KBTBD4: variants seen among roughly 807,000 people sequenced by gnomAD.
The protein encoded by KBTBD4 is kelch repeat and BTB domain containing 4, also known as kelch repeat and BTB domain-containing protein 4.
Under a neutral mutation model 43.9 loss-of-function variants are expected in KBTBD4, and 30 were observed. That is an observed-to-expected ratio of 0.68 (90% CI 0.51 to 0.93). The LOEUF (loss-of-function observed/expected upper bound fraction) is 0.93. Among genes scored for constraint, KBTBD4 ranks in the 40% least tolerant of loss-of-function variants. The pLI is 0.00. For synonymous variants in KBTBD4, 258 were observed against 256.9 expected (o/e 1.00, Z -0.04); for missense variants, 575 against 668.8 (o/e 0.86, Z 1.55).
rs2097261785 is a variant in KBTBD4, at chr11:47,577,418, G to T, written c.630C>A (p.Ile210=). 1.2e-6 allele frequency: 2 copies of T among 1,602,128 alleles called. No homozygotes were observed. Among genetic ancestry groups the T allele is most frequent in the Admixed American group, 1.7e-5 (1 of 59,658 alleles). Residue 210 remains isoleucine, a synonymous_variant, in exon 2 of 4, where the codon ATC becomes ATA. Transcript: ENST00000430070. ...TCCCCTCCCTAAACTTACCCGAGAT[G>T]ATATCTGTGAGTAAGCGGTGGGGCA... is the stretch of plus-strand genomic sequence containing the variant. ...LHLPHRLLTD[I]ISDGVPCSQN...
In KBTBD4 at chr11:47,577,468, G is replaced by A; in HGVS notation, c.580C>T (p.Gln194Ter). ...AAGTGGAGAAATTCCTCTGTATTCTGCAGCTGGGCCAGGTGGGTCTTGGCA... is the reference window on the plus strand; with the variant it reads ...AAGTGGAGAAATTCCTCTGTATTCTACAGCTGGGCCAGGTGGGTCTTGGCA... ...HCAKTHLAQL[Q>*]NTEEFLHLPH... Residue 194 changes from glutamine (Q) to a stop codon, truncating the protein, a stop_gained, in exon 2 of 4, where the codon CAG (glutamine) becomes TAG (stop). Coordinates refer to ENST00000430070, the MANE Select transcript of KBTBD4 (RefSeq NM_018095.6). LOFTEE classifies it high-confidence loss of function. The A allele has an allele frequency of 6.2e-7, 1 of 1,613,290 alleles. No homozygotes were observed. The highest frequency in any genetic ancestry group is 8.5e-7 in the Non-Finnish European group (1 of 1,179,354).
intron 2 of KBTBD4, 23 bp downstream of exon 2, chr11:47,577,388 G>T (rs781220679): frequency 6.3e-7 from 1 of 1,579,514 alleles, no homozygotes; most frequent in Non-Finnish European, 8.6e-7. Flanking sequence ...ACTGGGTATG[G>T]TGTGTCCCCT....
At chr11:47,578,591 G>T (rs1403470753) in intron 1 of KBTBD4, 3 of 709,448 alleles carry the variant, frequency 4.2e-6, no homozygotes, top group Non-Finnish European at 7.7e-6. Context: ...TCGCTCGAAA[G>T]ACTCCCTATG....
At chr11:47,576,435 TGCGCCTG>T in intron 2 of KBTBD4, 1 of 151,406 alleles carries the variant, frequency 6.6e-6, no homozygotes, top group Non-Finnish European at 1.5e-5. Flanking sequence ...CGTGAGCCAC[TGCGCCTG>T]GCCCGTACCT....
rs1210415737 is a variant in KBTBD4 at position 47,577,558 on chromosome 11, G to A, written c.490C>T (p.Leu164Phe). 1.2e-6 allele frequency: 2 copies of A among 1,614,060 alleles called. No individual in the cohort carries two copies. Among genetic ancestry groups the A allele is most frequent in the Non-Finnish European group, 1.7e-6 (2 of 1,180,036 alleles). ...CGATCTGCCAGCCACATCACCTGAA[G>A]GCAGTTTCCCACTTGCACTGTGCGG... ...LARTVQVGNCLQVMWLADRHS... is the reference protein window; with the variant it reads ...LARTVQVGNCFQVMWLADRHS... Residue 164 changes from leucine (L) to phenylalanine (F), a missense_variant, in exon 2 of 4, where the codon CTT (leucine) becomes TTT (phenylalanine). By Grantham distance (22) the Leu-to-Phe change is conservative. Transcript: ENST00000430070.
Position 47,575,852 on chromosome 11 carries a change from A to G in KBTBD4, c.638-153T>C, listed in dbSNP as rs2097258285. Among the ~76,000 whole-genome samples the G allele has an allele frequency of 1.7e-5, 2 of 115,016 alleles. 1 individual carries two copies. The highest frequency in any genetic ancestry group is 6.3e-4 in the South Asian group (2 of 3,184). 75.5% of individuals were successfully genotyped at this position (115,016 alleles called of 152,430 possible). On this transcript the variant is annotated intron_variant, in intron 2 of 3. Transcript: ENST00000430070. ...ATACACATATACATGAAATTAACCT[A>G]AAATTGCTTTTTTTTTTTTTTTGAG...
chr11:47,574,218 C>T (rs1360483967), intron 3 of KBTBD4, among the ~76,000 whole-genome samples: 6 of 152,064 alleles, frequency 3.9e-5, no homozygotes, highest in African/African-American at 9.7e-5. Flanking sequence ...AAGAGATGGC[C>T]GGGCACAGTG....
At chr11:47,578,529 C>T in intron 1 of KBTBD4, 1 of 669,280 alleles carries the variant, frequency 1.5e-6, no homozygotes, top group Non-Finnish European at 2.7e-6. Context: ...CTGGGATATC[C>T]GTGGGTCTTA....
In KBTBD4 at chr11:47,576,756, A is replaced by T. The variant is rs2097260418; in HGVS notation, c.637+655T>A. On this transcript the variant is annotated intron_variant, in intron 2 of 3. Coordinates refer to ENST00000430070, the MANE Select transcript of KBTBD4 (RefSeq NM_018095.6). ...CGGTGGCGTGATCTTGGCTCACTGC[A>T]ACCTCTGCCTCCGGGTTCAAGTGAT... Among the ~76,000 whole-genome samples the T allele has an allele frequency of 2.0e-5, 3 of 149,300 alleles. No homozygotes were observed. In the Admixed American group the frequency reaches 2.0e-4, roughly 10 times the overall value.
Position 47,573,890 on chromosome 11 carries a change from A to T in KBTBD4, c.745-100T>A. 9.1e-7 allele frequency: 1 copy of T among 1,099,468 alleles called. No homozygotes were observed. Among genetic ancestry groups the T allele is most frequent in the Non-Finnish European group, 1.3e-6 (1 of 767,784 alleles). 68.1% of individuals were successfully genotyped at this position (1,099,468 alleles called of 1,614,324 possible). On this transcript the variant is annotated intron_variant, in intron 3 of 3. Transcript: ENST00000430070. This position sits in a 1 kb window ranked among gnomAD's most constrained non-coding sequence, Gnocchi z 4.1. ...GATCCTGGCCCTCACACTTGTTCCTAGCTTTATCATACTACTCTCTAATTA... is the reference window on the plus strand; with the variant it reads ...GATCCTGGCCCTCACACTTGTTCCTTGCTTTATCATACTACTCTCTAATTA...
chr11:47,578,739 G>A, intron 1 of KBTBD4, 194 bp downstream of exon 1: 1 of 1,460,626 alleles, frequency 6.8e-7, no homozygotes, highest in Non-Finnish European at 9.2e-7. Context: ...GCTCAGGCCC[G>A]CCCGCCCTCG....
Position 47,575,700 on chromosome 11 carries a change from C to T in KBTBD4, c.638-1G>A, listed in dbSNP as rs2097257928. ...GGGTTCTGAGAACACGGAACTCCAT[C>T]TGTGAGAGCCAGAGGAAAGGCATGG... is the stretch of plus-strand genomic sequence containing the variant. On this transcript the variant is annotated splice_acceptor_variant, in intron 2 of 3. Coordinates refer to ENST00000430070, the MANE Select transcript of KBTBD4 (RefSeq NM_018095.6). LOFTEE classifies it high-confidence loss of function. The T allele has an allele frequency of 6.3e-7, 1 of 1,581,834 alleles. No homozygotes were observed. Among genetic ancestry groups the T allele is most frequent in the South Asian group, 1.1e-5 (1 of 88,608 alleles).
At position 47,573,835 on chromosome 11, in the gene KBTBD4, C is replaced by T. The variant is rs534523149; in HGVS notation, c.745-45G>A. ...TATATGACAGCTGTTAAATTCTAGGCTAAGGCTCAGCTAAGACACATATCC... is the reference window on the plus strand; with the variant it reads ...TATATGACAGCTGTTAAATTCTAGGTTAAGGCTCAGCTAAGACACATATCC... On this transcript the variant is annotated intron_variant, in intron 3 of 3. Transcript: ENST00000430070. The surrounding 1 kb of genome is among the most constrained non-coding windows in gnomAD (Gnocchi z 4.1). The T allele has an allele frequency of 6.6e-7, 1 of 1,523,802 alleles. No individual in the cohort carries two copies. Among genetic ancestry groups the T allele is most frequent in the South Asian group, 1.2e-5 (1 of 80,640 alleles). 94.4% of individuals were successfully genotyped at this position (1,523,802 alleles called of 1,614,324 possible). A position where few individuals can be genotyped will look rare whatever the true frequency, so the allele number is the denominator to read the frequency against.
chr11:47,575,630 C>A lies in KBTBD4; in HGVS notation c.707G>T (p.Arg236Ile). 6.2e-7 allele frequency: 1 copy of A among 1,613,664 alleles called. No homozygotes were observed. Among genetic ancestry groups the A allele is most frequent in the Non-Finnish European group, 8.5e-7 (1 of 1,179,770 alleles). The change falls in exon 3 of 4, where the codon AGA becomes ATA. Residue 236 changes from arginine (R) to isoleucine (I), a missense_variant. By Grantham distance (97) the Arg-to-Ile change is moderately conservative (BLOSUM62 -3). Transcript: ENST00000430070. ...CCTGAGTGACTCTGCAAAAGCCTCT[C>A]TTTCCTCTTTATTAAAGTTGATCCA... ...EAWINFNKEE[R>I]EAFAESLRTS...
At position 47,572,702 on chromosome 11, in the gene KBTBD4, G is replaced by A. The variant is rs1381406555; in HGVS notation, c.*228C>T. ...GCTGTGGTGAGGCACAGGATGACTA[G>A]GGAATGGCAGAGAACAGGCTGGCCT... On this transcript the variant is annotated 3_prime_UTR_variant, in exon 4 of 4. Transcript: ENST00000430070. 3 of 564,720 alleles carry A rather than the reference G, an allele frequency of 5.3e-6. No individual in the cohort carries two copies. Among genetic ancestry groups the A allele is most frequent in the African/African-American group, 3.7e-5 (2 of 53,404 alleles). 35.0% of individuals were successfully genotyped at this position (564,720 alleles called of 1,614,324 possible). A position where few individuals can be genotyped will look rare whatever the true frequency, so the allele number is the denominator to read the frequency against.
rs747880599 is a variant in KBTBD4 at position 47,573,899 on chromosome 11, A to C, written c.745-109T>G. On this transcript the variant is annotated intron_variant, in intron 3 of 3. Transcript: ENST00000430070. This position sits in a 1 kb window ranked among gnomAD's most constrained non-coding sequence, Gnocchi z 4.1. ...CCTCACACTTGTTCCTAGCTTTATC[A>C]TACTACTCTCTAATTACTGTATGGC... 3 of 1,003,418 alleles carry C rather than the reference A, an allele frequency of 3.0e-6. No homozygotes were observed. The highest frequency in any genetic ancestry group is 3.2e-5 in the African/African-American group (2 of 61,864). The allele number at this position is 1,003,418 out of a possible 1,614,324, so 62.2% of individuals were successfully genotyped here.
Position 47,577,821 on chromosome 11 carries a change from C to T in KBTBD4, c.227G>A (p.Arg76Gln), listed in dbSNP as rs752176427. 7 of 1,614,168 alleles carry T rather than the reference C, an allele frequency of 4.3e-6. No homozygotes were observed. Among genetic ancestry groups the T allele is most frequent in the Middle Eastern group, 1.6e-4 (1 of 6,062 alleles). ...GCAGCTCTGAGCTGAGAGGACCAGC[C>T]GATGGAGCTGAAACTCCCGGCCTTC... ...SVEGREFQLHRLVLSAQSCFF... is the reference protein window; with the variant it reads ...SVEGREFQLHQLVLSAQSCFF... The change falls in exon 2 of 4, where the codon CGG becomes CAG. Residue 76 changes from arginine to glutamine, a missense_variant. Arg to Gln is a conservative substitution (Grantham distance 43). Transcript: ENST00000430070.
chr11:47,575,588 C>G lies in KBTBD4; in HGVS notation c.744+5G>C. On this transcript the variant is annotated splice_donor_5th_base_variant and intron_variant, in intron 3 of 3. Transcript: ENST00000430070. ...CAGTCTCAACAATTAAGAGATTTGC[C>G]TTACCTTCAAGCTTGTCCTGAGTGA... is the stretch of plus-strand genomic sequence containing the variant. 1.3e-6 allele frequency: 2 copies of G among 1,585,682 alleles called. No individual in the cohort carries two copies. The highest frequency in any genetic ancestry group is 1.7e-6 in the Non-Finnish European group (2 of 1,154,682).
At chr11:47,578,899 A>G (rs2097265653) in intron 1 of KBTBD4, 34 bp downstream of exon 1, 6 of 1,549,146 alleles carry the variant, frequency 3.9e-6, no homozygotes, top group Non-Finnish European at 5.2e-6. Context: ...CGCTCACCTC[A>G]CGATTTCCCT....
Sources: gnomAD v4.1 joint callset for allele counts (sites outside exome capture counted in the v4.1 genomes callset) on GRCh38, gnomAD v4.1.1 for gene constraint, Gnocchi (gnomAD v3.1) non-coding constraint, MANE v1.5 for transcripts, NCBI Gene and HGNC (gene_info 2026-07-23, HGNC 2026-07-21) for gene names.